DRC11: variants seen among roughly 807,000 people sequenced by gnomAD.
The protein encoded by DRC11 is dynein regulatory complex subunit 11.
At chr2:236,443,997 G>A in the DRC11 span, among the ~76,000 whole-genome samples, 1 of 147,108 alleles carries the variant, frequency 6.8e-6, no homozygotes, top group Admixed American at 6.7e-5. The surrounding 1 kb of genome is among the most constrained non-coding windows in gnomAD (Gnocchi z 4.4). Flanking sequence ...TTTTTTTTGA[G>A]AAGTGTCTGT....
At chr2:236,474,864 C>G in the DRC11 span, among the ~76,000 whole-genome samples, 1 of 151,946 alleles carries the variant, frequency 6.6e-6, no homozygotes, top group African/African-American at 2.4e-5. Context: ...AATAGATATA[C>G]ATATTTTCAG....
At chr2:236,402,690 A>C in the DRC11 span, among the ~76,000 whole-genome samples, 19 of 152,292 alleles carry the variant, frequency 1.2e-4, no homozygotes, top group African/African-American at 4.6e-4. This position sits in a 1 kb window ranked among gnomAD's most constrained non-coding sequence, Gnocchi z 6.0. Flanking sequence ...CACCTTCCAG[A>C]GCGCACACTA....
chr2:236,405,004 A>C, the DRC11 span, among the ~76,000 whole-genome samples: 1 of 152,118 alleles, frequency 6.6e-6, no homozygotes, highest in Non-Finnish European at 1.5e-5. The surrounding 1 kb of genome is among the most constrained non-coding windows in gnomAD (Gnocchi z 4.6). Context: ...CACTAATCTC[A>C]ATCACAGGGG....
chr2:236,416,284 G>A, the DRC11 span, among the ~76,000 whole-genome samples: 6 of 152,178 alleles, frequency 3.9e-5, no homozygotes, highest in South Asian at 8.3e-4. Context: ...GTACTATCAC[G>A]TGACTGTCCT....
the DRC11 span, among the ~76,000 whole-genome samples, chr2:236,463,720 A>G: frequency 6.6e-6 from 1 of 152,232 alleles, no homozygotes; most frequent in Non-Finnish European, 1.5e-5. This position sits in a 1 kb window ranked among gnomAD's most constrained non-coding sequence, Gnocchi z 5.0. Context: ...CTATTGCTGC[A>G]TAACAAGTCA....
At chr2:236,424,537 C>A in the DRC11 span, among the ~76,000 whole-genome samples, 1 of 151,962 alleles carries the variant, frequency 6.6e-6, no homozygotes, top group Non-Finnish European at 1.5e-5. Context: ...GCATAATTGA[C>A]AAAAATTTAA....
At chr2:236,343,824 G>A in the DRC11 span, 1 of 1,031,166 alleles carries the variant, frequency 9.7e-7, no homozygotes, top group African/African-American at 1.6e-5. The surrounding 1 kb of genome is among the most constrained non-coding windows in gnomAD (Gnocchi z 6.6). Flanking sequence ...AAATGACAGG[G>A]CAATCAAGGC....
At chr2:236,362,737 T>C in the DRC11 span, among the ~76,000 whole-genome samples, 1 of 152,118 alleles carries the variant, frequency 6.6e-6, no homozygotes, top group African/African-American at 2.4e-5. This position sits in a 1 kb window ranked among gnomAD's most constrained non-coding sequence, Gnocchi z 5.7. Context: ...CAAAAAAAAG[T>C]TGTACAATGA....
At chr2:236,454,753 G>C in the DRC11 span, 1 of 152,212 alleles carries the variant, frequency 6.6e-6, no homozygotes, top group African/African-American at 2.4e-5. The surrounding 1 kb of genome is among the most constrained non-coding windows in gnomAD (Gnocchi z 5.3). Flanking sequence ...GAAGTCCTCA[G>C]AGAGAACAAT....
the DRC11 span, among the ~76,000 whole-genome samples, chr2:236,347,844 A>G: frequency 6.7e-4 from 100 of 148,888 alleles, no homozygotes; most frequent in Non-Finnish European, 1.2e-3. Context: ...TGTACCCCCA[A>G]TAACTTACGG....
At chr2:236,428,788 T>C in the DRC11 span, among the ~76,000 whole-genome samples, 8 of 152,156 alleles carry the variant, frequency 5.3e-5, no homozygotes, top group African/African-American at 1.9e-4. Context: ...ACTTTCTGAT[T>C]GTCTTGTAAA....
the DRC11 span, chr2:236,486,890 C>T: frequency 1.6e-5 from 25 of 1,607,036 alleles, no homozygotes; most frequent in African/African-American, 4.0e-5. This position sits in a 1 kb window ranked among gnomAD's most constrained non-coding sequence, Gnocchi z 5.7. Flanking sequence ...TTGATGGAAA[C>T]GTCGCCAAAC....
chr2:236,474,646 T>TTTTTTTA, the DRC11 span, among the ~76,000 whole-genome samples: 3 of 152,150 alleles, frequency 2.0e-5, no homozygotes, highest in South Asian at 6.2e-4. Flanking sequence ...GACATAACAA[T>TTTTTTTA]TGTTTTTATC....
the DRC11 span, among the ~76,000 whole-genome samples, chr2:236,444,583 T>A: frequency 4.6e-5 from 7 of 152,304 alleles, no homozygotes; most frequent in South Asian, 1.2e-3. Flanking sequence ...GCTGAAATGT[T>A]TCCCATGATG....
chr2:236,402,014 C>A, the DRC11 span, among the ~76,000 whole-genome samples: 18 of 152,334 alleles, frequency 1.2e-4, no homozygotes, highest in Admixed American at 5.9e-4. The surrounding 1 kb of genome is among the most constrained non-coding windows in gnomAD (Gnocchi z 6.0). Context: ...GAATACAACA[C>A]AACCATCGGA....
chr2:236,330,064 G>C, the DRC11 span, among the ~76,000 whole-genome samples: 1 of 152,130 alleles, frequency 6.6e-6, no homozygotes, highest in Non-Finnish European at 1.5e-5. The surrounding 1 kb of genome is among the most constrained non-coding windows in gnomAD (Gnocchi z 5.5). Flanking sequence ...AAAAAATGGG[G>C]AATTTCAGAA....
chr2:236,322,327 C>T, the DRC11 span, among the ~76,000 whole-genome samples: 10,579 of 150,860 alleles, frequency 0.07, 857 homozygotes, highest in African/African-American at 0.19. Context: ...CTCCGCCTCC[C>T]GGGTTCACGC....
At chr2:236,320,143 T>C in the DRC11 span, among the ~76,000 whole-genome samples, 1 of 152,222 alleles carries the variant, frequency 6.6e-6, no homozygotes, top group South Asian at 2.1e-4. Context: ...GACGAATGAA[T>C]GATTCTAGTG....
the DRC11 span, chr2:236,324,679 C>T: frequency 6.7e-7 from 1 of 1,492,602 alleles, no homozygotes; most frequent in Non-Finnish European, 9.2e-7. This position sits in a 1 kb window ranked among gnomAD's most constrained non-coding sequence, Gnocchi z 5.7. Context: ...TTGCCTTTTT[C>T]TCTTTCTTTT....
Sources: gnomAD v4.1 joint callset for allele counts (sites outside exome capture counted in the v4.1 genomes callset) on GRCh38, gnomAD v4.1.1 for gene constraint, Gnocchi (gnomAD v3.1) non-coding constraint, MANE v1.5 for transcripts, NCBI Gene and HGNC (gene_info 2026-07-23, HGNC 2026-07-21) for gene names.